Variants in CUEDC1 observed in about 807,000 individuals in gnomAD.
CUEDC1 encodes the protein CUE domain-containing protein 1.
Under a neutral mutation model 43.7 loss-of-function variants are expected in CUEDC1, and 30 were observed. That is an observed-to-expected ratio of 0.69 (90% CI 0.51 to 0.93). CUEDC1 has a LOEUF of 0.93. CUEDC1 is among the 40% of genes least tolerant of loss of function. The probability of loss-of-function intolerance (pLI) is 0.00; values close to 1 mark genes in which losing one functional copy is unlikely to be tolerated. For missense variants in CUEDC1, 486 were observed against 549.0 expected (o/e 0.89, Z 1.15); for synonymous variants, 223 against 223.6 (o/e 1.00, Z 0.02).
chr17:57,904,567 C>G (rs1043700214), intron 1 of CUEDC1, among the ~76,000 whole-genome samples: 3 of 152,188 alleles, frequency 2.0e-5, no homozygotes, highest in Non-Finnish European at 4.4e-5. Context: ...TCCTTAGTTC[C>G]CCGGGAATGG....
chr17:57,954,806 G>A lies in CUEDC1; in HGVS notation c.-316+419C>T, dbSNP rs1320880748. ...CTGCGCCCCCAGGCCCGGGCACTGC[G>A]GGGAGGGGCGCCCACACAAAAGGGG... On this transcript the variant is annotated intron_variant, in intron 1 of 10. Transcript: ENST00000577830. This position sits in a 1 kb window ranked among gnomAD's most constrained non-coding sequence, Gnocchi z 4.3. Among the ~76,000 whole-genome samples, 1 of 152,088 alleles carries A rather than the reference G, an allele frequency of 6.6e-6. No individual in the cohort carries two copies. The highest frequency in any genetic ancestry group is 1.5e-5 in the Non-Finnish European group (1 of 67,978).
intron 1 of CUEDC1, among the ~76,000 whole-genome samples, chr17:57,919,237 T>C (rs1002714691): frequency 2.0e-5 from 3 of 151,954 alleles, no homozygotes; most frequent in African/African-American, 7.3e-5. Flanking sequence ...TGGAGTACAA[T>C]GGCGCGATCT....
In CUEDC1 at chr17:57,955,114, C is replaced by G. The variant is rs1364783811; in HGVS notation, c.-316+111G>C. The G allele has an allele frequency of 2.7e-5, 4 of 149,286 alleles. No homozygotes were observed. Among genetic ancestry groups the G allele is most frequent in the African/African-American group, 9.8e-5 (4 of 40,980 alleles). The allele number at this position is 149,286 out of a possible 1,614,324, so 9.2% of individuals were successfully genotyped here. ...TCCCGGCGGCGCCTGGGCAACGGGT[C>G]CCGAGAAGGTGGGGCCGCTGGGCCG... On this transcript the variant is annotated intron_variant, in intron 1 of 10. Transcript: ENST00000577830. The surrounding 1 kb of genome is among the most constrained non-coding windows in gnomAD (Gnocchi z 5.3).
intron 1 of CUEDC1, among the ~76,000 whole-genome samples, chr17:57,888,624 C>T (rs779630426): frequency 1.2e-4 from 18 of 152,392 alleles, no homozygotes; most frequent in South Asian, 4.1e-4. Flanking sequence ...CCACACACAT[C>T]AGAAGAGTAT....
intron 5 of CUEDC1, among the ~76,000 whole-genome samples, chr17:57,871,993 T>G (rs1209009924): frequency 6.6e-6 from 1 of 152,230 alleles, no homozygotes; most frequent in Non-Finnish European, 1.5e-5. Context: ...GGGGCTAACC[T>G]TGGGCCTCAG....
chr17:57,900,918 G>A (rs1362193165), intron 1 of CUEDC1, among the ~76,000 whole-genome samples: 1 of 152,212 alleles, frequency 6.6e-6, no homozygotes, highest in Non-Finnish European at 1.5e-5. Context: ...ACTATAGCAG[G>A]TGTATCTCAG....
At chr17:57,909,977 G>GGTTTGGTTTT (rs1555566274) in intron 1 of CUEDC1, among the ~76,000 whole-genome samples, 4 of 152,134 alleles carry the variant, frequency 2.6e-5, no homozygotes, top group Non-Finnish European at 4.4e-5. Flanking sequence ...GTTTGGTTCT[G>GGTTTGGTTTT]GTTTTGTTTT....
At position 57,868,210 on chromosome 17, in the gene CUEDC1, G is replaced by C; in HGVS notation, c.974C>G (p.Ala325Gly). ...CCTCATTTTGGTCTTCTCTGAGAAG[G>C]CTCGGGCAAGTTCAAACAGTTTCCT... ...TRRKLFELAR[A>G]FSEKTKMRKS... Residue 325 changes from alanine (A) to glycine (G), a missense_variant, in exon 8 of 11, where the codon GCC becomes GGC. Transcript: ENST00000577830. 1 of 1,614,204 alleles carries C rather than the reference G, an allele frequency of 6.2e-7. No individual in the cohort carries two copies. The highest frequency in any genetic ancestry group is 8.5e-7 in the Non-Finnish European group (1 of 1,180,024).
intron 1 of CUEDC1, among the ~76,000 whole-genome samples, chr17:57,914,759 C>A (rs147071080): frequency 1.3e-5 from 2 of 152,310 alleles, no homozygotes; most frequent in African/African-American, 4.8e-5. Flanking sequence ...CCCACCTGGC[C>A]TCTCTGGGTC....
intron 1 of CUEDC1, among the ~76,000 whole-genome samples, chr17:57,923,962 T>G (rs1318763081): frequency 6.6e-6 from 1 of 152,154 alleles, no homozygotes; most frequent in Non-Finnish European, 1.5e-5. Context: ...CTAAAGCCTG[T>G]CCAATACTTC....
intron 1 of CUEDC1, among the ~76,000 whole-genome samples, chr17:57,890,958 A>T (rs1192542304): frequency 1.3e-5 from 2 of 152,202 alleles, no homozygotes; most frequent in South Asian, 4.1e-4. Flanking sequence ...AGGAGTATTA[A>T]TAGAACGTAC....
At chr17:57,940,393 C>G (rs1361577316) in intron 1 of CUEDC1, among the ~76,000 whole-genome samples, 2 of 152,162 alleles carry the variant, frequency 1.3e-5, no homozygotes, top group Non-Finnish European at 2.9e-5. Context: ...ATTTGCCAGC[C>G]TTCCTTGCAG....
intron 8 of CUEDC1, 62 bp from the exon 9 acceptor site, chr17:57,867,477 TC>T: frequency 7.1e-7 from 1 of 1,417,098 alleles, no homozygotes; most frequent in Non-Finnish European, 9.7e-7. Flanking sequence ...GTCCTCCCAG[TC>T]CCACTGACTC....
At chr17:57,883,219 T>G (rs1419163295) in intron 2 of CUEDC1, among the ~76,000 whole-genome samples, 2 of 152,304 alleles carry the variant, frequency 1.3e-5, no homozygotes, top group East Asian at 3.9e-4. Flanking sequence ...AAACACTCCC[T>G]GAGTGCTTGC....
At chr17:57,900,334 A>G (rs2145002723) in intron 1 of CUEDC1, among the ~76,000 whole-genome samples, 1 of 152,308 alleles carries the variant, frequency 6.6e-6, no homozygotes, top group Non-Finnish European at 1.5e-5. Flanking sequence ...GAAAGGCACC[A>G]CTGTTCTAGG....
chr17:57,918,019 TCTCA>T (rs1296760934), intron 1 of CUEDC1, among the ~76,000 whole-genome samples: 1 of 150,528 alleles, frequency 6.6e-6, no homozygotes, highest in Non-Finnish European at 1.5e-5. Flanking sequence ...GCCCCTGCTG[TCTCA>T]CTGAGAGGAG....
intron 5 of CUEDC1, 82 bp from the exon 6 acceptor site, chr17:57,871,451 G>T (rs1459185792): frequency 3.5e-6 from 4 of 1,143,936 alleles, no homozygotes; most frequent in African/African-American, 1.5e-5. Context: ...ACGGTAGTTT[G>T]CTAGAGGCTA....
chr17:57,927,016 C>T (rs995046260), intron 1 of CUEDC1, among the ~76,000 whole-genome samples: 11 of 152,112 alleles, frequency 7.2e-5, no homozygotes, highest in Non-Finnish European at 1.0e-4. Context: ...GAAAGGGAGG[C>T]GCAGCTGGGG....
intron 1 of CUEDC1, among the ~76,000 whole-genome samples, chr17:57,886,608 A>G (rs1423058709): frequency 1.3e-5 from 2 of 152,184 alleles, no homozygotes; most frequent in Non-Finnish European, 2.9e-5. Flanking sequence ...CATTCCCCTG[A>G]GAAGCACCAG....
Sources: gnomAD v4.1 joint callset for allele counts (sites outside exome capture counted in the v4.1 genomes callset) on GRCh38, gnomAD v4.1.1 for gene constraint, Gnocchi (gnomAD v3.1) non-coding constraint, MANE v1.5 for transcripts, NCBI Gene and HGNC (gene_info 2026-07-23, HGNC 2026-07-21) for gene names.